The following WWOX variants were observed in gnomAD, a reference collection of about 807,000 sequenced individuals.
WWOX encodes the protein WW domain-containing oxidoreductase.
In WWOX, 69 loss-of-function variants were observed where a neutral mutation model predicts 46.2. The observed-to-expected ratio is 1.49, with a 90% CI of 1.23 to 1.82. The LOEUF is 1.82. WWOX is among the 40% of genes most tolerant of loss of function. The probability of loss-of-function intolerance (pLI) is 0.00; values close to 1 mark genes in which losing one functional copy is unlikely to be tolerated. For synonymous variants in WWOX, 359 were observed against 202.6 expected (o/e 1.77, Z -6.56); for missense variants, 919 against 542.6 (o/e 1.69, Z -6.89).
At chr16:79,040,129 A>G (rs1192248760) in intron 8 of WWOX, among the ~76,000 whole-genome samples, 2 of 152,140 alleles carry the variant, frequency 1.3e-5, no homozygotes, top group Non-Finnish European at 2.9e-5. Flanking sequence ...GGCTCACATC[A>G]GTAATGTACT....
chr16:78,421,908 C>G (rs966427560), intron 6 of WWOX, among the ~76,000 whole-genome samples: 1 of 152,114 alleles, frequency 6.6e-6, no homozygotes, highest in African/African-American at 2.4e-5. Context: ...GTGAATCTTT[C>G]AATTCTCATG....
chr16:78,895,562 A>G (rs1011115423), intron 8 of WWOX: 1 of 152,198 alleles, frequency 6.6e-6, no homozygotes, highest in African/African-American at 2.4e-5. Flanking sequence ...GCAAAGATCT[A>G]TTCTCCTTTA....
At chr16:78,721,541 T>C (rs1229367797) in intron 8 of WWOX, among the ~76,000 whole-genome samples, 1 of 152,196 alleles carries the variant, frequency 6.6e-6, no homozygotes, top group Non-Finnish European at 1.5e-5. Context: ...TATTTGCTCT[T>C]CTTTAGAAGT....
In WWOX at chr16:78,838,075, C is replaced by G. The variant is rs542007633; in HGVS notation, c.1057-373533C>G. On this transcript the variant is annotated intron_variant, in intron 8 of 8. Coordinates refer to ENST00000566780, the MANE Select transcript of WWOX (RefSeq NM_016373.4). ...CCAGGAACCCATCTTGGCTGTGTGC[C>G]TTCTGCTTTGTCTCTGGGGTTGTGG... Among the ~76,000 whole-genome samples, 4 of 152,272 alleles carry G rather than the reference C, an allele frequency of 2.6e-5. No individual in the cohort carries two copies. The South Asian group carries it at 8.3e-4, about 32-fold the overall frequency.
rs78331533 is a variant in WWOX, at chr16:78,560,133, A to G, written c.1056+127381A>G. On this transcript the variant is annotated intron_variant, in intron 8 of 8. Coordinates refer to ENST00000566780, the MANE Select transcript of WWOX (RefSeq NM_016373.4). ...AGGAGATTATATTAGAAAATATTCT[A>G]TACAAAAAATATGCATAGTAGGGCT... Among the ~76,000 whole-genome samples, 294 of 152,320 alleles carry G rather than the reference A, an allele frequency of 1.9e-3. 7 individuals are homozygous for G. The East Asian group carries it at 0.047, about 24-fold the overall frequency.
At chr16:78,818,098 A>G (rs577810283) in intron 8 of WWOX, among the ~76,000 whole-genome samples, 1 of 152,190 alleles carries the variant, frequency 6.6e-6, no homozygotes, top group Non-Finnish European at 1.5e-5. Flanking sequence ...TATTGGGCTA[A>G]TGTGGCCAGG....
chr16:78,633,340 C>T (rs972866896), intron 8 of WWOX, among the ~76,000 whole-genome samples: 3 of 152,126 alleles, frequency 2.0e-5, no homozygotes, highest in Admixed American at 6.5e-5. Flanking sequence ...CCAACTAGGT[C>T]GGGACAGGGC....
chr16:79,054,123 T>G (rs1471682455), intron 8 of WWOX, among the ~76,000 whole-genome samples: 1 of 152,200 alleles, frequency 6.6e-6, no homozygotes, highest in Admixed American at 6.5e-5. Context: ...CTTTAATGTT[T>G]TAGGCTGTCA....
intron 8 of WWOX, among the ~76,000 whole-genome samples, chr16:78,448,547 A>G (rs1190213511): frequency 6.6e-6 from 1 of 152,122 alleles, no homozygotes; most frequent in East Asian, 1.9e-4. Context: ...CATGAAGCCA[A>G]CACACAAAAC....
At chr16:78,750,920 G>C (rs2049461619) in intron 8 of WWOX, among the ~76,000 whole-genome samples, 1 of 152,122 alleles carries the variant, frequency 6.6e-6, no homozygotes, top group South Asian at 2.1e-4. Flanking sequence ...ATGATTCCAT[G>C]TCTTTGCTGT....
At chr16:78,651,630 G>A (rs1293172122) in intron 8 of WWOX, among the ~76,000 whole-genome samples, 4 of 152,286 alleles carry the variant, frequency 2.6e-5, no homozygotes, top group Admixed American at 2.6e-4. Flanking sequence ...TGCTCACACA[G>A]ACCCAGCTCA....
Position 78,528,664 on chromosome 16 carries a change from G to A in WWOX, c.1056+95912G>A, listed in dbSNP as rs1449211851. Among the ~76,000 whole-genome samples, 4 of 152,230 alleles carry A rather than the reference G, an allele frequency of 2.6e-5. No individual in the cohort carries two copies. The East Asian group carries it at 7.7e-4, about 29-fold the overall frequency. On this transcript the variant is annotated intron_variant, in intron 8 of 8. Coordinates refer to ENST00000566780, the MANE Select transcript of WWOX (RefSeq NM_016373.4). The stretch of plus-strand genomic sequence containing the variant: ...TGTTTCTTCTAAGCACTTCTTAGGT[G>A]CCTCTGGGCTTTTTAACATTCTTTG...
chr16:78,165,165 A>G (rs2034930918), intron 5 of WWOX, among the ~76,000 whole-genome samples: 1 of 152,206 alleles, frequency 6.6e-6, no homozygotes, highest in Non-Finnish European at 1.5e-5. Flanking sequence ...TGAGGAAGAC[A>G]TTAGAGGGTT....
Position 78,825,895 on chromosome 16 carries a change from C to T in WWOX, c.1057-385713C>T, listed in dbSNP as rs551217986. 72 of 694,076 alleles carry T rather than the reference C, an allele frequency of 1.0e-4. No individual in the cohort carries two copies. The South Asian group carries it at 1.1e-3, about 10-fold the overall frequency. 43.0% of individuals were successfully genotyped at this position (694,076 alleles called of 1,614,324 possible). ...GCCCTAAGAAGCCTCTGCCTGACCA[C>T]GTGAGCATCATGGAACCCAAAGATG... On this transcript the variant is annotated intron_variant, in intron 8 of 8. Coordinates refer to ENST00000566780, the MANE Select transcript of WWOX (RefSeq NM_016373.4).
At chr16:79,013,748 G>A (rs961714510) in intron 8 of WWOX, among the ~76,000 whole-genome samples, 2 of 152,198 alleles carry the variant, frequency 1.3e-5, no homozygotes, top group Admixed American at 6.5e-5. Flanking sequence ...GCAATTGCAG[G>A]TTCATTTGTT....
intron 8 of WWOX, among the ~76,000 whole-genome samples, chr16:79,071,359 A>C (rs903359929): frequency 3.9e-5 from 6 of 152,220 alleles, no homozygotes; most frequent in Admixed American, 1.3e-4. Context: ...GGAAGCCAGA[A>C]AAGCTTTTCA....
chr16:79,150,485 A>G (rs1426354855), intron 8 of WWOX, among the ~76,000 whole-genome samples: 3 of 152,170 alleles, frequency 2.0e-5, no homozygotes, highest in Non-Finnish European at 4.4e-5. Flanking sequence ...TCCCCAATAT[A>G]GGGAAGACAG....
intron 8 of WWOX, among the ~76,000 whole-genome samples, chr16:78,854,897 G>T (rs2052531775): frequency 7.1e-6 from 1 of 140,426 alleles, no homozygotes; most frequent in African/African-American, 2.7e-5. Context: ...GCTGATTTTT[G>T]AACAGCAGCT....
intron 8 of WWOX, chr16:79,196,337 C>T (rs1376430680): frequency 6.6e-6 from 1 of 152,090 alleles, no homozygotes; most frequent in African/African-American, 2.4e-5. Flanking sequence ...GCTTAAAATT[C>T]ACAAGTCTAT....
Sources: gnomAD v4.1 joint callset for allele counts (sites outside exome capture counted in the v4.1 genomes callset) on GRCh38, gnomAD v4.1.1 for gene constraint, MANE v1.5 for transcripts, NCBI Gene and HGNC (gene_info 2026-07-23, HGNC 2026-07-21) for gene names.